Variants in TCF12 observed in about 807,000 individuals in gnomAD.
TCF12 encodes the protein DNA-binding protein HTF4.
In TCF12, 45 loss-of-function variants were observed where a neutral mutation model predicts 86.0. The ratio of observed to expected loss-of-function variants is 0.52; its 90% CI spans 0.41 to 0.67. TCF12 has a LOEUF of 0.67. Among genes scored for constraint, TCF12 ranks in the 30% least tolerant of loss-of-function variants. The pLI, the probability that TCF12 is intolerant of heterozygous loss-of-function variation, is 0.00. For synonymous variants in TCF12, 330 were observed against 299.6 expected, an observed-to-expected ratio of 1.10 and a Z score of -1.05; for missense variants, 881 against 859.9, an observed-to-expected ratio of 1.02 and a Z score of -0.31.
chr15:57,116,084 G>A (rs2050815266), intron 5 of TCF12, among the ~76,000 whole-genome samples: 1 of 152,070 alleles, frequency 6.6e-6, no homozygotes, highest in Admixed American at 6.6e-5. Flanking sequence ...GGTATTGTTA[G>A]TCCCACCTTA....
chr15:57,239,683 A>G (rs1181523713), intron 12 of TCF12, among the ~76,000 whole-genome samples: 4 of 152,136 alleles, frequency 2.6e-5, no homozygotes, highest in Non-Finnish European at 5.9e-5. Context: ...TGCCTGTCCC[A>G]GAAACATTAG....
chr15:57,151,906 G>A (rs1430924034), intron 5 of TCF12, among the ~76,000 whole-genome samples: 3 of 152,204 alleles, frequency 2.0e-5, no homozygotes, highest in African/African-American at 4.8e-5. Context: ...AGCCTAAGGA[G>A]TACTAAGCAA....
At chr15:57,193,047 A>G (rs1597209000) in intron 7 of TCF12, among the ~76,000 whole-genome samples, 1 of 152,334 alleles carries the variant, frequency 6.6e-6, no homozygotes, top group East Asian at 1.9e-4. Flanking sequence ...AAATGATATA[A>G]CAAAATTTGC....
chr15:57,107,340 A>C (rs2050202470), intron 5 of TCF12, among the ~76,000 whole-genome samples: 1 of 152,224 alleles, frequency 6.6e-6, no homozygotes, highest in Non-Finnish European at 1.5e-5. Flanking sequence ...GAAAGACTAT[A>C]TATTGTGTAA....
chr15:57,193,756 G>A (rs1359948975), intron 7 of TCF12, among the ~76,000 whole-genome samples: 2 of 152,094 alleles, frequency 1.3e-5, no homozygotes, highest in African/African-American at 4.8e-5. Flanking sequence ...TGGGTCTAGG[G>A]TTTGCTTGTG....
intron 16 of TCF12, among the ~76,000 whole-genome samples, chr15:57,258,405 A>T (rs1451294115): frequency 6.6e-6 from 1 of 152,164 alleles, no homozygotes; most frequent in African/African-American, 2.4e-5. Context: ...CAACAAGGTA[A>T]CTCCATCAAA....
intron 3 of TCF12, among the ~76,000 whole-genome samples, chr15:57,023,524 C>A (rs1290579327): frequency 6.6e-6 from 1 of 152,106 alleles, no homozygotes; most frequent in Non-Finnish European, 1.5e-5. Flanking sequence ...GAGTTGTACC[C>A]TTACCAAGAG....
At chr15:56,948,429 A>G (rs2061111428) in intron 3 of TCF12, among the ~76,000 whole-genome samples, 1 of 152,202 alleles carries the variant, frequency 6.6e-6, no homozygotes, top group African/African-American at 2.4e-5. Flanking sequence ...CAGAGTTCAT[A>G]TTTAGGGAAA....
chr15:57,181,370 G>A (rs1452696442), intron 6 of TCF12, among the ~76,000 whole-genome samples: 1 of 152,050 alleles, frequency 6.6e-6, no homozygotes, highest in Non-Finnish European at 1.5e-5. Context: ...AACTACAGGT[G>A]CACATCACTG....
chr15:57,151,610 C>T (rs530105442), intron 5 of TCF12, among the ~76,000 whole-genome samples: 1 of 152,046 alleles, frequency 6.6e-6, no homozygotes, highest in East Asian at 1.9e-4. Context: ...ACTAAAAATA[C>T]AAAAATTAGC....
chr15:57,174,126 C>G (rs2151601637), intron 6 of TCF12, among the ~76,000 whole-genome samples: 1 of 152,142 alleles, frequency 6.6e-6, no homozygotes, highest in Middle Eastern at 3.4e-3. Flanking sequence ...AAAATAATAC[C>G]AATTTTATAC....
intron 4 of TCF12, among the ~76,000 whole-genome samples, chr15:57,086,531 T>G (rs1216880289): frequency 6.6e-6 from 1 of 151,936 alleles, no homozygotes; most frequent in Non-Finnish European, 1.5e-5. Flanking sequence ...AATTATAAAT[T>G]TAATTTAAAT....
rs1170868599 is a variant in TCF12, at chr15:57,117,561, G to C, written c.325+25670G>C. On this transcript the variant is annotated intron_variant, in intron 5 of 20. Coordinates refer to ENST00000333725, the MANE Select transcript of TCF12 (RefSeq NM_207037.2). ...GATCTGGGTTCAAATTCTGGCTCTT[G>C]TTTGTAAGCATCAGTTTCTTAATAT... Among the ~76,000 whole-genome samples, 7 of 152,234 alleles carry C rather than the reference G, an allele frequency of 4.6e-5. No individual in the cohort carries two copies. The South Asian group carries it at 1.5e-3, about 32-fold the overall frequency.
chr15:57,198,243 C>T (rs901384904), intron 8 of TCF12, among the ~76,000 whole-genome samples: 1 of 152,122 alleles, frequency 6.6e-6, no homozygotes, highest in Non-Finnish European at 1.5e-5. Flanking sequence ...CATTAAGATT[C>T]GGAGTACATG....
At chr15:57,216,251 G>C (rs964646422) in intron 8 of TCF12, among the ~76,000 whole-genome samples, 2 of 152,062 alleles carry the variant, frequency 1.3e-5, no homozygotes, top group Non-Finnish European at 2.9e-5. Flanking sequence ...TATTTTGTCA[G>C]GGTCCTCTGG....
intron 3 of TCF12, among the ~76,000 whole-genome samples, chr15:56,946,372 G>A (rs2140401035): frequency 6.6e-6 from 1 of 152,156 alleles, no homozygotes; most frequent in South Asian, 2.1e-4. Flanking sequence ...TGTCTAACCT[G>A]TTTATTCCAT....
chr15:57,034,933 T>C (rs1192246573), intron 3 of TCF12, among the ~76,000 whole-genome samples: 4 of 152,208 alleles, frequency 2.6e-5, no homozygotes, highest in African/African-American at 9.7e-5. Flanking sequence ...CTCCAATTTT[T>C]TTAGGAACAT....
At chr15:57,085,264 A>G (rs2048548917) in intron 4 of TCF12, among the ~76,000 whole-genome samples, 1 of 152,224 alleles carries the variant, frequency 6.6e-6, no homozygotes, top group Admixed American at 6.5e-5. Flanking sequence ...CCCTGTAGAA[A>G]TGTATGGACC....
rs538040568 is a variant in TCF12 at position 57,071,765 on chromosome 15, A to G, written c.222+7942A>G. On this transcript the variant is annotated intron_variant, in intron 4 of 20. Coordinates refer to ENST00000333725, the MANE Select transcript of TCF12 (RefSeq NM_207037.2). The stretch of plus-strand genomic sequence containing the variant: ...GCTACTGTGAGATTCCAGAGGAGGG[A>G]GATTACTTTGGATGGTCAAGAAAGA... 2.0e-5 allele frequency among the ~76,000 whole-genome samples: 3 copies of G among 152,312 alleles called. No individual in the cohort carries two copies. The South Asian group carries it at 6.2e-4, about 32-fold the overall frequency.
Sources: allele counts gnomAD v4.1 joint callset (sites outside exome capture counted in the v4.1 genomes callset), GRCh38; gene constraint gnomAD v4.1.1; transcripts MANE v1.5; gene names NCBI Gene and HGNC (gene_info 2026-07-23, HGNC 2026-07-21).